The following RAD51B variants were observed in gnomAD, a reference collection of about 807,000 sequenced individuals.
RAD51B encodes the protein DNA repair protein RAD51 homolog 2.
In RAD51B, 38 loss-of-function variants were observed where a neutral mutation model predicts 42.2. The observed-to-expected ratio is 0.90, with a 90% CI of 0.70 to 1.18. RAD51B has a LOEUF of 1.18. Among genes scored for constraint, RAD51B ranks in the 50% most tolerant of loss-of-function variants. The pLI, the probability that RAD51B is intolerant of heterozygous loss-of-function variation, is 0.00. For missense variants in RAD51B, 373 were observed against 400.7 expected, an observed-to-expected ratio of 0.93 and a Z score of 0.59; for synonymous variants, 154 against 145.2, an observed-to-expected ratio of 1.06 and a Z score of -0.43.
chr14:68,663,354 G>A (rs1321812696), intron 11 of RAD51B, among the ~76,000 whole-genome samples: 5 of 151,688 alleles, frequency 3.3e-5, no homozygotes. Flanking sequence ...ACAAGGTCAA[G>A]ATATTTATTT....
intron 10 of RAD51B, among the ~76,000 whole-genome samples, chr14:68,546,227 A>G (rs1888226627): frequency 6.6e-6 from 1 of 152,260 alleles, no homozygotes; most frequent in Non-Finnish European, 1.5e-5. Context: ...GACTGGTAGC[A>G]GCAGAGAGGT....
chr14:68,008,223 A>T (rs569505768), intron 7 of RAD51B, among the ~76,000 whole-genome samples: 92 of 152,122 alleles, frequency 6.0e-4, no homozygotes, highest in Non-Finnish European at 1.2e-3. Context: ...GCATAAATTT[A>T]TAATCAGCAA....
At chr14:68,370,186 T>C (rs879192922) in intron 8 of RAD51B, among the ~76,000 whole-genome samples, 18 of 152,174 alleles carry the variant, frequency 1.2e-4, no homozygotes, top group African/African-American at 4.3e-4. Context: ...CATAAATGGG[T>C]TAACAAGAAG....
At chr14:68,562,932 CATGT>C in intron 10 of RAD51B, 1 of 985,404 alleles carries the variant, frequency 1.0e-6, no homozygotes, top group Non-Finnish European at 1.2e-6. Context: ...AAACATGGAC[CATGT>C]ATTGCTACAA....
chr14:67,885,005 C>T (rs542235917), intron 5 of RAD51B, among the ~76,000 whole-genome samples: 2 of 152,190 alleles, frequency 1.3e-5, no homozygotes, highest in South Asian at 4.1e-4. Context: ...AAATGGAAAA[C>T]AAAATATAGG....
At chr14:68,018,642 TTCTA>T (rs1269043806) in intron 7 of RAD51B, among the ~76,000 whole-genome samples, 1 of 152,202 alleles carries the variant, frequency 6.6e-6, no homozygotes, top group Admixed American at 6.5e-5. Flanking sequence ...ATTAATTTGT[TTCTA>T]TCTTATTCAT....
intron 7 of RAD51B, among the ~76,000 whole-genome samples, chr14:68,071,410 A>G (rs2076738012): frequency 6.6e-6 from 1 of 152,058 alleles, no homozygotes; most frequent in African/African-American, 2.4e-5. Context: ...TTTGTTGTAA[A>G]TGGTGCTTCT....
intron 7 of RAD51B, among the ~76,000 whole-genome samples, chr14:68,272,635 TTA>T (rs1196934518): frequency 0.093 from 1,845 of 19,820 alleles, 126 homozygotes; most frequent in Non-Finnish European, 0.11. Context: ...TATAAACACT[TTA>T]TATATATATA....
At chr14:68,297,316 A>G in intron 8 of RAD51B, among the ~76,000 whole-genome samples, 1 of 152,224 alleles carries the variant, frequency 6.6e-6, no homozygotes, top group East Asian at 1.9e-4. Flanking sequence ...GCTCCCTGCT[A>G]ATCTCAGACA....
chr14:68,572,605 C>T (rs962394028), intron 10 of RAD51B, among the ~76,000 whole-genome samples: 2 of 152,124 alleles, frequency 1.3e-5, no homozygotes, highest in South Asian at 2.1e-4. Context: ...ATAACTCCTG[C>T]GGTGCCCCCA....
intron 7 of RAD51B, among the ~76,000 whole-genome samples, chr14:68,179,233 C>G (rs909731449): frequency 2.0e-5 from 3 of 152,128 alleles, no homozygotes; most frequent in Non-Finnish European, 4.4e-5. Flanking sequence ...AGATGTTTCT[C>G]ATGTATCCCT....
At chr14:68,542,942 A>C (rs1291339806) in intron 10 of RAD51B, among the ~76,000 whole-genome samples, 1 of 152,200 alleles carries the variant, frequency 6.6e-6, no homozygotes, top group Non-Finnish European at 1.5e-5. Context: ...AATATTCTTT[A>C]ATAACTCCAT....
At chr14:68,328,746 A>ATGCTC (rs2082293035) in intron 8 of RAD51B, among the ~76,000 whole-genome samples, 1 of 152,218 alleles carries the variant, frequency 6.6e-6, no homozygotes. Flanking sequence ...ATCCAACCAT[A>ATGCTC]AGAATTTGGC....
At chr14:68,095,930 G>A (rs975408191) in intron 7 of RAD51B, among the ~76,000 whole-genome samples, 3 of 142,826 alleles carry the variant, frequency 2.1e-5, no homozygotes, top group African/African-American at 8.0e-5. Context: ...AGCCAAGATC[G>A]TGCCTCTCTC....
At chr14:68,679,960 C>T (rs763998572) in intron 11 of RAD51B, among the ~76,000 whole-genome samples, 1 of 152,196 alleles carries the variant, frequency 6.6e-6, no homozygotes, top group Non-Finnish European at 1.5e-5. Flanking sequence ...TTAATAATTA[C>T]ATCTACAATA....
chr14:68,277,890 G>A (rs1002822879), intron 7 of RAD51B, among the ~76,000 whole-genome samples: 7 of 152,100 alleles, frequency 4.6e-5, no homozygotes, highest in South Asian at 2.1e-4. Flanking sequence ...CTATAGGCGC[G>A]TGCCACCATG....
intron 8 of RAD51B, among the ~76,000 whole-genome samples, chr14:68,364,887 C>T (rs2139927179): frequency 6.6e-6 from 1 of 152,302 alleles, no homozygotes; most frequent in African/African-American, 2.4e-5. Context: ...GCCAGTTACC[C>T]TTTTCCCGCT....
At chr14:68,367,344 C>A (rs1363125510) in intron 8 of RAD51B, among the ~76,000 whole-genome samples, 1 of 152,150 alleles carries the variant, frequency 6.6e-6, no homozygotes, top group African/African-American at 2.4e-5. Flanking sequence ...TGTGAGGATT[C>A]CAAGACTTGA....
At chr14:67,874,979 A>G (rs2140022035) in intron 5 of RAD51B, among the ~76,000 whole-genome samples, 1 of 152,320 alleles carries the variant, frequency 6.6e-6, no homozygotes, top group Admixed American at 6.5e-5. Context: ...TAAAATGGAT[A>G]AAGGAAAGTA....
Sources: allele counts gnomAD v4.1 joint callset (sites outside exome capture counted in the v4.1 genomes callset), GRCh38; gene constraint gnomAD v4.1.1; transcripts MANE v1.5; gene names NCBI Gene and HGNC (gene_info 2026-07-23, HGNC 2026-07-21).